SLU7: variants seen among roughly 807,000 people sequenced by gnomAD.
SLU7 encodes spliceosome associated SLU7.
In SLU7, 60 loss-of-function variants were observed where a neutral mutation model predicts 87.0. That is an observed-to-expected ratio of 0.69 (90% CI 0.56 to 0.86). The LOEUF (loss-of-function observed/expected upper bound fraction) is 0.86. Ranked by LOEUF, SLU7 falls within the 40% of genes least tolerant of loss-of-function variation. SLU7 has a pLI of 0.00. For synonymous variants in SLU7, 197 were observed against 222.0 expected (o/e 0.89, Z 1.00); for missense variants, 507 against 686.6 (o/e 0.74, Z 2.92).
chr5:160,411,244 T>C (rs2910187), intron 6 of SLU7, among the ~76,000 whole-genome samples: 50,635 of 151,746 alleles, frequency 0.33, 8,748 homozygotes, highest in South Asian at 0.4. Context: ...GATTGACTGA[T>C]TGATTGAGAT....
chr5:160,407,578 C>T lies in SLU7; in HGVS notation c.1023G>A (p.Val341=). The T allele has an allele frequency of 6.2e-7, 1 of 1,613,288 alleles. No individual in the cohort carries two copies. Among genetic ancestry groups the T allele is most frequent in the Non-Finnish European group, 8.5e-7 (1 of 1,179,666 alleles). The stretch of plus-strand genomic sequence containing the variant: ...GCTTTGTAGGATCTGCCTGTAGATG[C>T]ACTTCAGATCCCTTGTCATAGGCTT... ...AWEAYDKGSE[V]HLQADPTKLE... Residue 341 remains valine (V), a synonymous_variant, in exon 11 of 16, where the codon GTG becomes GTA. Transcript: ENST00000297151. The surrounding 1 kb of genome is among the most constrained non-coding windows in gnomAD (Gnocchi z 4.2).
Position 160,408,639 on chromosome 5 carries a change from A to G in SLU7, c.687+11T>C. 1.3e-6 allele frequency: 2 copies of G among 1,529,862 alleles called. No individual in the cohort carries two copies. The highest frequency in any genetic ancestry group is 2.3e-5 in the East Asian group (1 of 44,168). 94.8% of individuals were successfully genotyped at this position (1,529,862 alleles called of 1,614,324 possible). A position where few individuals can be genotyped will look rare whatever the true frequency, so the allele number is the denominator to read the frequency against. ...TTTAACATATACTCAGAGACAGCAAATATGTATTACCATCTGAGAATTTGG... is the reference window on the plus strand; with the variant it reads ...TTTAACATATACTCAGAGACAGCAAGTATGTATTACCATCTGAGAATTTGG... On this transcript the variant is annotated intron_variant, in intron 7 of 15. Transcript: ENST00000297151.
At chr5:160,404,689 C>A (rs375584370) in intron 14 of SLU7, 120 bp downstream of exon 14, 123 of 889,148 alleles carry the variant, frequency 1.4e-4, no homozygotes, top group Non-Finnish European at 2.1e-4. Context: ...CCGTGCACTG[C>A]GCTCGAGCCT....
rs1023777538 is a variant in SLU7, at chr5:160,419,038, C to G, written c.-32G>C. On this transcript the variant is annotated 5_prime_UTR_variant, in exon 1 of 16. Transcript: ENST00000297151. ...ATTTTCTTACCCAGCCCCGCCGCAG[C>G]TAGCCCCAAGTCCATCCGACAGAAT... 1 of 152,332 alleles carries G rather than the reference C, an allele frequency of 6.6e-6. No individual in the cohort carries two copies. Among genetic ancestry groups the G allele is most frequent in the African/African-American group, 2.4e-5 (1 of 41,474 alleles). The allele number at this position is 152,332 out of a possible 1,614,324, so 9.4% of individuals were successfully genotyped here. A position where few individuals can be genotyped will look rare whatever the true frequency, so the allele number is the denominator to read the frequency against.
intron 15 of SLU7, 113 bp downstream of exon 15, chr5:160,404,327 T>C: frequency 3.0e-6 from 2 of 677,562 alleles, no homozygotes; most frequent in East Asian, 2.6e-5. Context: ...GTCGTGCCAC[T>C]GCACTCCAGC....
rs1187392650 is a variant in SLU7 at position 160,407,437 on chromosome 5, T to G, written c.1125+39A>C. On this transcript the variant is annotated intron_variant, in intron 11 of 15. Coordinates refer to ENST00000297151, the MANE Select transcript of SLU7 (RefSeq NM_006425.5). This position sits in a 1 kb window ranked among gnomAD's most constrained non-coding sequence, Gnocchi z 4.2. Reference sequence around the variant, plus strand: ...ACGCTTATTAACTAGTAACTTCTCTTTAACAGAAGTTCTTCTTTAGCATTT... The same window carrying G: ...ACGCTTATTAACTAGTAACTTCTCTGTAACAGAAGTTCTTCTTTAGCATTT... 1.3e-6 allele frequency: 2 copies of G among 1,577,132 alleles called. No homozygotes were observed. The highest frequency in any genetic ancestry group is 8.6e-7 in the Non-Finnish European group (1 of 1,162,746).
At chr5:160,413,808 G>C in intron 4 of SLU7, 91 bp downstream of exon 4, 10 of 1,030,152 alleles carry the variant, frequency 9.7e-6, no homozygotes, top group Non-Finnish European at 1.4e-5. Flanking sequence ...CCTAAATATA[G>C]GTGATTTCAG....
chr5:160,413,550 A>T lies in SLU7; in HGVS notation c.476T>A (p.Leu159Gln). 6.2e-7 allele frequency: 1 copy of T among 1,613,948 alleles called. No individual in the cohort carries two copies. The highest frequency in any genetic ancestry group is 1.1e-5 in the South Asian group (1 of 91,074). ...CCTCTTCCCATCATAGTCAAACATC[A>T]GTTGAGGCTGGACATGTTCATCTGG... Reference protein sequence around the residue: ...IAPDEHVQPQLMFDYDGKRDR... With the variant: ...IAPDEHVQPQQMFDYDGKRDR... The change falls in exon 5 of 16, where the codon CTG becomes CAG. Residue 159 changes from leucine to glutamine, a missense_variant. Coordinates refer to ENST00000297151, the MANE Select transcript of SLU7 (RefSeq NM_006425.5).
At chr5:160,413,156 C>A (rs531601526) in intron 5 of SLU7, among the ~76,000 whole-genome samples, 18 of 152,160 alleles carry the variant, frequency 1.2e-4, no homozygotes, top group Non-Finnish European at 1.9e-4. Flanking sequence ...TCTAACCTCA[C>A]AAAACCAAAA....
At chr5:160,406,189 C>CAT (rs1365149296) in intron 12 of SLU7, among the ~76,000 whole-genome samples, 1 of 151,914 alleles carries the variant, frequency 6.6e-6, no homozygotes, top group East Asian at 1.9e-4. Flanking sequence ...GTGTATTTTA[C>CAT]ATATATATGT....
Position 160,414,316 on chromosome 5 carries a change from T to TA in SLU7, c.324+2dup, listed in dbSNP as rs1348529553. On this transcript the variant is annotated splice_region_variant and intron_variant, in intron 3 of 15. Transcript: ENST00000297151. The stretch of plus-strand genomic sequence containing the variant: ...TGAAGATGTATACAGGTTGCCTACA[T>TA]ACCTCTTTTACACCCCTCTTGTACC... 1 of 1,593,340 alleles carries TA rather than the reference T, an allele frequency of 6.3e-7. No homozygotes were observed. Among genetic ancestry groups the TA allele is most frequent in the Non-Finnish European group, 8.5e-7 (1 of 1,172,814 alleles).
Position 160,412,513 on chromosome 5 carries a change from GT to G in SLU7, c.576del (p.Lys192AsnfsTer4). 9.6e-7 allele frequency: 1 copy of G among 1,040,700 alleles called. No individual in the cohort carries two copies. Among genetic ancestry groups the G allele is most frequent in the Non-Finnish European group, 1.3e-6 (1 of 759,854 alleles). 64.5% of individuals were successfully genotyped at this position (1,040,700 alleles called of 1,614,324 possible). A position where few individuals can be genotyped will look rare whatever the true frequency, so the allele number is the denominator to read the frequency against. On this transcript the variant is annotated frameshift_variant, in exon 6 of 16. Coordinates refer to ENST00000297151, the MANE Select transcript of SLU7 (RefSeq NM_006425.5). LOFTEE classifies it high-confidence loss of function. ...TGGAGTTTCTGGGCTTTCAATGTTC[GT>G]TTTGCCTTTAAAAAAAAAAAAAAGA... ...VEEYAKVDLA[K>X]RTLKAQKLQE...
chr5:160,407,524 G>A lies in SLU7; in HGVS notation c.1077C>T (p.Val359=). The change falls in exon 11 of 16, where the codon GTC becomes GTT. Residue 359 remains valine (V), a synonymous_variant. Transcript: ENST00000297151. The surrounding 1 kb of genome is among the most constrained non-coding windows in gnomAD (Gnocchi z 4.2). The part of the protein sequence containing the change: ...KLELLYKSFK[V]KKEDFKEQQK... Reference sequence around the variant, plus strand: ...GCTGTTCTTTGAAATCTTCTTTTTTGACTTTGAAGGACTTATACAACAGCT... The same window carrying A: ...GCTGTTCTTTGAAATCTTCTTTTTTAACTTTGAAGGACTTATACAACAGCT... 1 of 1,611,466 alleles carries A rather than the reference G, an allele frequency of 6.2e-7. No individual in the cohort carries two copies. The highest frequency in any genetic ancestry group is 8.5e-7 in the Non-Finnish European group (1 of 1,179,136).
rs967303400 is a variant in SLU7, at chr5:160,402,318, A to T, written c.*967T>A. On this transcript the variant is annotated 3_prime_UTR_variant, in exon 16 of 16. Coordinates refer to ENST00000297151, the MANE Select transcript of SLU7 (RefSeq NM_006425.5). Reference sequence around the variant, plus strand: ...CACCTAGACTTATGTCCAGAATGGTAAAAGACCTACTACTGATCAGTCAAT... The same window carrying T: ...CACCTAGACTTATGTCCAGAATGGTTAAAGACCTACTACTGATCAGTCAAT... 4 of 152,198 alleles carry T rather than the reference A, an allele frequency of 2.6e-5. No individual in the cohort carries two copies. Among genetic ancestry groups the T allele is most frequent in the Non-Finnish European group, 4.4e-5 (3 of 68,034 alleles). The allele number at this position is 152,198 out of a possible 1,614,324, so 9.4% of individuals were successfully genotyped here. A position where few individuals can be genotyped will look rare whatever the true frequency, so the allele number is the denominator to read the frequency against.
intron 1 of SLU7, 80 bp from the exon 2 acceptor site, chr5:160,415,390 T>C (rs1329942108): frequency 2.9e-6 from 3 of 1,049,802 alleles, no homozygotes; most frequent in Non-Finnish European, 4.0e-6. Flanking sequence ...ATCCTAATAA[T>C]ATATACTGTT....
In SLU7 at chr5:160,407,416, T is replaced by A. The variant is rs1765056420; in HGVS notation, c.1125+60A>T. The A allele has an allele frequency of 1.4e-6, 2 of 1,471,700 alleles. No individual in the cohort carries two copies. Among genetic ancestry groups the A allele is most frequent in the Non-Finnish European group, 1.9e-6 (2 of 1,079,974 alleles). The allele number at this position is 1,471,700 out of a possible 1,614,324, so 91.2% of individuals were successfully genotyped here. ...TATTTTCCAAATGTAAAACTAACGC[T>A]TATTAACTAGTAACTTCTCTTTAAC... is the stretch of plus-strand genomic sequence containing the variant. On this transcript the variant is annotated intron_variant, in intron 11 of 15. Transcript: ENST00000297151. This position sits in a 1 kb window ranked among gnomAD's most constrained non-coding sequence, Gnocchi z 4.2.
At chr5:160,404,699 T>C in intron 14 of SLU7, 110 bp downstream of exon 14, 1 of 916,860 alleles carries the variant, frequency 1.1e-6, no homozygotes, top group Middle Eastern at 2.2e-4. Context: ...CGCTCGAGCC[T>C]GGGCGACAGA....
intron 6 of SLU7, among the ~76,000 whole-genome samples, chr5:160,410,228 T>C (rs1242869979): frequency 6.6e-6 from 1 of 152,230 alleles, no homozygotes; most frequent in Non-Finnish European, 1.5e-5. Flanking sequence ...GGATATTTTC[T>C]TTTTTATATT....
rs763734490 is a variant in SLU7 at position 160,408,389 on chromosome 5, A to G, written c.759T>C (p.Asn253=). The G allele has an allele frequency of 6.2e-7, 1 of 1,611,944 alleles. No homozygotes were observed. The highest frequency in any genetic ancestry group is 2.2e-5 in the East Asian group (1 of 44,784). ...CAGTAATTCGTCTCTTGGAGTCAAAATTCTGTCCAGGCATGTCAATATCAT... is the reference window on the plus strand; with the variant it reads ...CAGTAATTCGTCTCTTGGAGTCAAAGTTCTGTCCAGGCATGTCAATATCAT... The part of the protein sequence containing the change: ...YADDIDMPGQ[N]FDSKRRITVR... The change falls in exon 8 of 16, where the codon AAT becomes AAC. Residue 253 remains asparagine, a synonymous_variant. Transcript: ENST00000297151.
Sources: allele counts gnomAD v4.1 joint callset (sites outside exome capture counted in the v4.1 genomes callset), GRCh38; gene constraint gnomAD v4.1.1; non-coding constraint Gnocchi (gnomAD v3.1); transcripts MANE v1.5; gene names NCBI Gene and HGNC (gene_info 2026-07-23, HGNC 2026-07-21).